Variants in IDH1 observed in about 807,000 individuals in gnomAD.
The protein encoded by IDH1 is isocitrate dehydrogenase (NADP(+)) 1.
A neutral mutation model predicts 46.1 loss-of-function variants in IDH1; 33 were observed. The ratio of observed to expected loss-of-function variants is 0.72; its 90% CI spans 0.54 to 0.96. IDH1 has a LOEUF of 0.96. Among genes scored for constraint, IDH1 ranks in the 40% least tolerant of loss-of-function variants. IDH1 has a pLI of 0.00. For synonymous variants in IDH1, 144 were observed against 172.8 expected (o/e 0.83, Z 1.31); for missense variants, 421 against 515.7 (o/e 0.82, Z 1.78).
At chr2:208,242,879 C>T (rs980319221) in intron 6 of IDH1, among the ~76,000 whole-genome samples, 1 of 152,016 alleles carries the variant, frequency 6.6e-6, no homozygotes, top group Non-Finnish European at 1.5e-5. Context: ...ATTCTCCTGC[C>T]TCAGCCTCCC....
chr2:208,243,671 C>A (rs2124854304), intron 5 of IDH1, 67 bp from the exon 6 acceptor site: 1 of 1,274,764 alleles, frequency 7.8e-7, no homozygotes, highest in Non-Finnish European at 1.1e-6. Context: ...TGTAATAAGG[C>A]TAAAATCACC....
chr2:208,250,902 G>A (rs567868300), intron 3 of IDH1, among the ~76,000 whole-genome samples: 1 of 152,302 alleles, frequency 6.6e-6, no homozygotes, highest in South Asian at 2.1e-4. Context: ...TGACAAAATT[G>A]TGTTAACTGC....
At chr2:208,245,996 T>A (rs377516269) in intron 4 of IDH1, among the ~76,000 whole-genome samples, 2 of 152,336 alleles carry the variant, frequency 1.3e-5, no homozygotes, top group African/African-American at 4.8e-5. Flanking sequence ...GAGGGAACTA[T>A]GATATAGTAG....
At chr2:208,251,383 C>T (rs2124867802) in intron 3 of IDH1, 47 bp downstream of exon 3, 1 of 1,608,020 alleles carries the variant, frequency 6.2e-7, no homozygotes, top group Non-Finnish European at 8.5e-7. Flanking sequence ...CATGCCCAGC[C>T]AGATTATCCT....
intron 2 of IDH1, among the ~76,000 whole-genome samples, chr2:208,252,529 C>T (rs1688142570): frequency 6.6e-6 from 1 of 152,206 alleles, no homozygotes; most frequent in Admixed American, 6.5e-5. Context: ...AGCTCTGAGC[C>T]TGCTAAAAGT....
chr2:208,252,384 T>G (rs1488668009), intron 2 of IDH1, among the ~76,000 whole-genome samples: 1 of 152,186 alleles, frequency 6.6e-6, no homozygotes, highest in Admixed American at 6.5e-5. Flanking sequence ...AAACTGTGCA[T>G]TGTCCTAGGA....
At chr2:208,250,186 T>A (rs1033569482) in intron 3 of IDH1, among the ~76,000 whole-genome samples, 29 of 152,210 alleles carry the variant, frequency 1.9e-4, no homozygotes, top group African/African-American at 6.5e-4. Flanking sequence ...AAACTCCTCA[T>A]GATTCCACAC....
Position 208,237,080 on chromosome 2 carries a change from T to G in IDH1, c.1244A>C (p.Ter415SerextTer4), listed in dbSNP as rs1189105025. 6.4e-7 allele frequency: 1 copy of G among 1,557,572 alleles called. No homozygotes were observed. The highest frequency in any genetic ancestry group is 8.8e-7 in the Non-Finnish European group (1 of 1,130,050). Residue 415 changes from the stop codon to serine (S), a stop_lost, in exon 10 of 10, where the codon TAA becomes TCA. Transcript: ENST00000345146. ...ATCCTTCTTAGCTCAGGTATGAACT[T>G]AAAGTTTGGCCTGAGCTAGTTTGAT... ...LKIKLAQAKL[*>S]
At chr2:208,239,044 A>G (rs371837057) in intron 9 of IDH1, 27 bp downstream of exon 9, 127 of 1,606,238 alleles carry the variant, frequency 7.9e-5, no homozygotes, top group Non-Finnish European at 1.1e-4. Flanking sequence ...TAATTTGACC[A>G]TAGAAACTAG....
chr2:208,248,124 G>T, intron 4 of IDH1: 1 of 555,098 alleles, frequency 1.8e-6, no homozygotes, highest in Non-Finnish European at 3.2e-6. Flanking sequence ...AAAGGATAAA[G>T]GAAAAAAAAC....
At chr2:208,240,813 G>GCAT (rs1234275348) in intron 7 of IDH1, among the ~76,000 whole-genome samples, 1 of 152,118 alleles carries the variant, frequency 6.6e-6, no homozygotes, top group Non-Finnish European at 1.5e-5. Context: ...TCCTTCCTCT[G>GCAT]TTGCATTCAG....
chr2:208,239,384 T>G, intron 8 of IDH1, 151 bp from the exon 9 acceptor site: 3 of 780,882 alleles, frequency 3.8e-6, no homozygotes, highest in East Asian at 5.4e-5. Context: ...TTTAGGAGAG[T>G]TAGAAATATT....
At position 208,245,395 on chromosome 2, in the gene IDH1, C is replaced by T. The variant is rs760579117; in HGVS notation, c.444G>A (p.Gly148=). 1.6e-5 allele frequency: 25 copies of T among 1,611,368 alleles called. No homozygotes were observed. In the East Asian group the frequency reaches 4.7e-4, roughly 30 times the overall value. Residue 148 remains glycine (G), a synonymous_variant, in exon 5 of 10, where the codon GGG becomes GGA. Coordinates refer to ENST00000345146, the MANE Select transcript of IDH1 (RefSeq NM_005896.4). ...QYRATDFVVP[G]PGKVEITYTP... ...TGTAGGTTATCTCTACTTTTCCAGG[C>T]CCAGGAACAACAAAATCAGTTGCTC...
At chr2:208,254,436 AG>A (rs1294260228) in intron 1 of IDH1, 1 of 151,906 alleles carries the variant, frequency 6.6e-6, no homozygotes, top group Non-Finnish European at 1.5e-5. Context: ...AGGCCGCTGG[AG>A]CTCCGCCCCT....
At chr2:208,248,168 G>C (rs557800922) in intron 4 of IDH1, 2 of 586,738 alleles carry the variant, frequency 3.4e-6, no homozygotes, top group African/African-American at 3.7e-5. Context: ...TGAGATGGAC[G>C]CCTATTTGTA....
Position 208,236,856 on chromosome 2 carries a change from A to G in IDH1, c.*223T>C. ...ACCGAATTCCTAGGCTGGTACTAGAAAATAAAATAAAAATTGTAAAAAAGT... is the reference window on the plus strand; with the variant it reads ...ACCGAATTCCTAGGCTGGTACTAGAGAATAAAATAAAAATTGTAAAAAAGT... On this transcript the variant is annotated 3_prime_UTR_variant, in exon 10 of 10. Coordinates refer to ENST00000345146, the MANE Select transcript of IDH1 (RefSeq NM_005896.4). 1 of 534,868 alleles carries G rather than the reference A, an allele frequency of 1.9e-6. No homozygotes were observed. Among genetic ancestry groups the G allele is most frequent in the South Asian group, 2.4e-5 (1 of 41,840 alleles). 33.1% of individuals were successfully genotyped at this position (534,868 alleles called of 1,614,324 possible).
In IDH1 at chr2:208,239,887, G is replaced by A; in HGVS notation, c.967C>T (p.Gln323Ter). 1 of 1,614,174 alleles carries A rather than the reference G, an allele frequency of 6.2e-7. No homozygotes were observed. Among genetic ancestry groups the A allele is most frequent in the African/African-American group, 1.3e-5 (1 of 75,050 alleles). ...CCAATGGGATTGGTGGACGTCTCCTGTCCTTTCTGGTACATGCGGTAGTGA... is the reference window on the plus strand; with the variant it reads ...CCAATGGGATTGGTGGACGTCTCCTATCCTTTCTGGTACATGCGGTAGTGA... The part of the protein sequence containing the change: ...TRHYRMYQKG[Q>*]ETSTNPIASI... The change falls in exon 8 of 10, where the codon CAG (glutamine) becomes TAG (stop). Residue 323 changes from glutamine to a stop codon, truncating the protein, a stop_gained. Transcript: ENST00000345146. LOFTEE classifies it high-confidence loss of function.
rs1187254009 is a variant in IDH1, at chr2:208,248,511, A to C, written c.272T>G (p.Met91Arg). The change falls in exon 4 of 10, where the codon ATG becomes AGG. Residue 91 changes from methionine (M) to arginine (R), a missense_variant. Met to Arg is a moderately conservative substitution (Grantham distance 91, BLOSUM62 -1). Coordinates refer to ENST00000345146, the MANE Select transcript of IDH1 (RefSeq NM_005896.4). ...TATGGTGCCATTTGGTGATTTCCACATTTGTTTCAACTTGAACTCCTCAAC... is the reference window on the plus strand; with the variant it reads ...TATGGTGCCATTTGGTGATTTCCACCTTTGTTTCAACTTGAACTCCTCAAC... ...KRVEEFKLKQ[M>R]WKSPNGTIRN... 6.2e-7 allele frequency: 1 copy of C among 1,614,086 alleles called. No individual in the cohort carries two copies. Among genetic ancestry groups the C allele is most frequent in the Non-Finnish European group, 8.5e-7 (1 of 1,180,026 alleles).
At chr2:208,242,433 G>A (rs1479485826) in intron 6 of IDH1, among the ~76,000 whole-genome samples, 6 of 152,146 alleles carry the variant, frequency 3.9e-5, no homozygotes, top group Non-Finnish European at 2.9e-5. Flanking sequence ...TCACTTTTCA[G>A]TTTTCATTAT....
Sources: allele counts gnomAD v4.1 joint callset (sites outside exome capture counted in the v4.1 genomes callset), GRCh38; gene constraint gnomAD v4.1.1; transcripts MANE v1.5; gene names NCBI Gene and HGNC (gene_info 2026-07-23, HGNC 2026-07-21).